Variants in DRAM1 observed in about 807,000 individuals in gnomAD.
The protein encoded by DRAM1 is DNA damage regulated autophagy modulator 1, also known as DNA damage-regulated autophagy modulator protein 1.
In DRAM1, 25 loss-of-function variants were observed where a neutral mutation model predicts 28.5. The ratio of observed to expected loss-of-function variants is 0.88; its 90% CI spans 0.64 to 1.23. The LOEUF is 1.23. Among genes scored for constraint, DRAM1 ranks in the 50% most tolerant of loss-of-function variants. The probability of loss-of-function intolerance (pLI) is 0.00; values close to 1 mark genes in which losing one functional copy is unlikely to be tolerated. For synonymous variants in DRAM1, 113 were observed against 114.2 expected (o/e 0.99, Z 0.07); for missense variants, 249 against 299.2 (o/e 0.83, Z 1.24).
chr12:101,917,747 C>T (rs1176975300), intron 5 of DRAM1, among the ~76,000 whole-genome samples: 2 of 149,302 alleles, frequency 1.3e-5, no homozygotes, highest in Non-Finnish European at 3.0e-5. Context: ...TGGTCAAATT[C>T]GTCAATAGGT....
intron 1 of DRAM1, among the ~76,000 whole-genome samples, chr12:101,896,289 A>G (rs948915678): frequency 6.6e-6 from 1 of 152,232 alleles, no homozygotes; most frequent in Non-Finnish European, 1.5e-5. Flanking sequence ...TTCTTCAAAC[A>G]CTTACAAGTG....
At chr12:101,896,791 TC>T (rs1873389965) in intron 1 of DRAM1, among the ~76,000 whole-genome samples, 1 of 152,010 alleles carries the variant, frequency 6.6e-6, no homozygotes, top group Admixed American at 6.6e-5. Flanking sequence ...GTTTTCTTTT[TC>T]TTTTTTTTTT....
At chr12:101,901,771 C>T (rs1008887696) in intron 3 of DRAM1, among the ~76,000 whole-genome samples, 1 of 150,124 alleles carries the variant, frequency 6.7e-6, no homozygotes, top group Non-Finnish European at 1.5e-5. Flanking sequence ...CCCAGCTACT[C>T]AGGAAGCTGA....
At chr12:101,882,155 C>T (rs1276767400) in intron 1 of DRAM1, among the ~76,000 whole-genome samples, 1 of 140,568 alleles carries the variant, frequency 7.1e-6, no homozygotes, top group African/African-American at 2.6e-5. Flanking sequence ...GTTTCCCAGG[C>T]TGGAGTGCAG....
At position 101,922,959 on chromosome 12, in the gene DRAM1, G is replaced by C. The variant is rs1874539472; in HGVS notation, c.*1699G>C. 1 of 152,122 alleles carries C rather than the reference G, an allele frequency of 6.6e-6. No individual in the cohort carries two copies. Among genetic ancestry groups the C allele is most frequent in the Non-Finnish European group, 1.5e-5 (1 of 68,038 alleles). 9.4% of individuals were successfully genotyped at this position (152,122 alleles called of 1,614,324 possible). ...CAACAAAAATACAAAAATTAGCCAA[G>C]TGCGGTGGTGTGCCTGTAGTCCTAG... On this transcript the variant is annotated 3_prime_UTR_variant, in exon 7 of 7. Transcript: ENST00000258534.
At chr12:101,884,883 T>C (rs1872826995) in intron 1 of DRAM1, among the ~76,000 whole-genome samples, 1 of 152,182 alleles carries the variant, frequency 6.6e-6, no homozygotes, top group Non-Finnish European at 1.5e-5. Flanking sequence ...AATTTTGGGT[T>C]ATGACAAGTG....
chr12:101,884,362 C>T, intron 1 of DRAM1, among the ~76,000 whole-genome samples: 2 of 104,960 alleles, frequency 1.9e-5, no homozygotes, highest in Non-Finnish European at 1.7e-5. Flanking sequence ...AGAGTGATAC[C>T]CTGTCTCAAA....
At chr12:101,902,919 T>C (rs1873657794) in intron 3 of DRAM1, among the ~76,000 whole-genome samples, 1 of 151,816 alleles carries the variant, frequency 6.6e-6, no homozygotes, top group African/African-American at 2.4e-5. Flanking sequence ...CTGCCTCTTT[T>C]TTTTTTTTCT....
At position 101,906,684 on chromosome 12, in the gene DRAM1, G is replaced by A. The variant is rs146367943; in HGVS notation, c.343-1502G>A. Reference sequence around the variant, plus strand: ...GCCTGGCCAACATGGAGAAACCCCCGTCTCTACTGAAAACAGAAAAATTAG... The same window carrying A: ...GCCTGGCCAACATGGAGAAACCCCCATCTCTACTGAAAACAGAAAAATTAG... On this transcript the variant is annotated intron_variant, in intron 3 of 6. Coordinates refer to ENST00000258534, the MANE Select transcript of DRAM1 (RefSeq NM_018370.3). 8.6e-5 allele frequency among the ~76,000 whole-genome samples: 13 copies of A among 151,830 alleles called. No homozygotes were observed. In the East Asian group the frequency reaches 2.1e-3, roughly 25 times the overall value.
intron 3 of DRAM1, among the ~76,000 whole-genome samples, chr12:101,905,734 C>T (rs1873777246): frequency 6.6e-6 from 1 of 151,610 alleles, no homozygotes; most frequent in African/African-American, 2.4e-5. Context: ...GGACTACAGG[C>T]ACACACCATC....
chr12:101,912,939 A>T (rs920126446), intron 4 of DRAM1, among the ~76,000 whole-genome samples: 1 of 151,896 alleles, frequency 6.6e-6, no homozygotes, highest in African/African-American at 2.4e-5. Flanking sequence ...TGTTGGTCAG[A>T]CTAGTCTCGA....
chr12:101,879,932 A>G (rs1368011962), intron 1 of DRAM1, among the ~76,000 whole-genome samples: 4 of 151,674 alleles, frequency 2.6e-5, no homozygotes, highest in Admixed American at 6.6e-5. Context: ...CAGAGGTTGC[A>G]GTGAGCCGAG....
At chr12:101,890,817 C>A (rs1873094224) in intron 1 of DRAM1, among the ~76,000 whole-genome samples, 2 of 147,486 alleles carry the variant, frequency 1.4e-5, no homozygotes, top group Non-Finnish European at 3.0e-5. Context: ...ATGGCGTGAT[C>A]TCAGCTCACT....
intron 1 of DRAM1, among the ~76,000 whole-genome samples, chr12:101,886,507 C>A (rs1872893079): frequency 6.6e-6 from 1 of 152,178 alleles, no homozygotes; most frequent in Non-Finnish European, 1.5e-5. Context: ...TGGTTGGGAG[C>A]TAATTTTAGA....
In DRAM1 at chr12:101,923,599, A is replaced by G. The variant is rs1363599123; in HGVS notation, c.*2339A>G. The G allele has an allele frequency of 2.0e-5, 3 of 152,240 alleles. No individual in the cohort carries two copies. Among genetic ancestry groups the G allele is most frequent in the African/African-American group, 4.8e-5 (2 of 41,468 alleles). The allele number at this position is 152,240 out of a possible 1,614,324, so 9.4% of individuals were successfully genotyped here. On this transcript the variant is annotated 3_prime_UTR_variant, in exon 7 of 7. Coordinates refer to ENST00000258534, the MANE Select transcript of DRAM1 (RefSeq NM_018370.3). ...GCTTTACCAGTTAGTTTCATAATAA[A>G]CAAATAGTCTGTATCGCCTGGTAAT...
rs562089908 is a variant in DRAM1 at position 101,923,340 on chromosome 12, G to A, written c.*2080G>A. The A allele has an allele frequency of 1.3e-5, 2 of 152,220 alleles. No homozygotes were observed. The highest frequency in any genetic ancestry group is 2.4e-5 in the African/African-American group (1 of 41,438). The allele number at this position is 152,220 out of a possible 1,614,324, so 9.4% of individuals were successfully genotyped here. ...GACTTTTGTTCTCGGCGCTCCTCAC[G>A]ATGGAGTTTCATGCTTCATTTTCAC... On this transcript the variant is annotated 3_prime_UTR_variant, in exon 7 of 7. Coordinates refer to ENST00000258534, the MANE Select transcript of DRAM1 (RefSeq NM_018370.3).
At chr12:101,885,154 A>T (rs1872841482) in intron 1 of DRAM1, among the ~76,000 whole-genome samples, 1 of 152,142 alleles carries the variant, frequency 6.6e-6, no homozygotes, top group Admixed American at 6.5e-5. Context: ...GCTGGTCTTG[A>T]ACTCCCGCCT....
Position 101,895,186 on chromosome 12 carries a change from G to GTTTTTTTTTTTTTTTTTT in DRAM1, c.132-2664_132-2647dup, listed in dbSNP as rs574722379. Among the ~76,000 whole-genome samples the GTTTTTTTTTTTTTTTTTT allele has an allele frequency of 2.3e-3, 177 of 75,720 alleles. 11 individuals are homozygous for GTTTTTTTTTTTTTTTTTT. The highest frequency in any genetic ancestry group is 6.4e-3 in the African/African-American group (116 of 18,066). The allele number at this position is 75,720 out of a possible 152,430, so 49.7% of individuals were successfully genotyped here. A position where few individuals can be genotyped will look rare whatever the true frequency, so the allele number is the denominator to read the frequency against. On this transcript the variant is annotated intron_variant, in intron 1 of 6. Coordinates refer to ENST00000258534, the MANE Select transcript of DRAM1 (RefSeq NM_018370.3). ...TAATGCTAAATTCGAAACCCTTCAGGTTTTTTTTTTTTTTTTTTTTTTTTT... is the reference window on the plus strand; with the variant it reads ...TAATGCTAAATTCGAAACCCTTCAGGTTTTTTTTTTTTTTTTTTTTTTTTTTTTTTTTTTTTTTTTTTT...
chr12:101,914,191 C>A lies in DRAM1; in HGVS notation c.538C>A (p.Leu180Ile). The A allele has an allele frequency of 1.9e-6, 3 of 1,609,122 alleles. No homozygotes were observed. The highest frequency in any genetic ancestry group is 2.5e-6 in the Non-Finnish European group (3 of 1,178,528). ...AVIPMIVCASLISITKLEWNP... is the reference protein window; with the variant it reads ...AVIPMIVCASIISITKLEWNP... ...TCTTTCAGTGATTGTCTGTGCTTCA[C>A]TAATTTCCATAACCAAGCTGGAGTG... The change falls in exon 5 of 7, where the codon CTA (leucine) becomes ATA (isoleucine). Residue 180 changes from leucine to isoleucine, a missense_variant. Coordinates refer to ENST00000258534, the MANE Select transcript of DRAM1 (RefSeq NM_018370.3).
Sources: gnomAD v4.1 joint callset for allele counts (sites outside exome capture counted in the v4.1 genomes callset) on GRCh38, gnomAD v4.1.1 for gene constraint, MANE v1.5 for transcripts, NCBI Gene and HGNC (gene_info 2026-07-23, HGNC 2026-07-21) for gene names.